Variants in SHISA6 observed in about 807,000 individuals in gnomAD.
The protein encoded by SHISA6 is shisa family member 6.
Under a neutral mutation model 47.9 loss-of-function variants are expected in SHISA6, and 22 were observed. That is an observed-to-expected ratio of 0.46 (90% CI 0.33 to 0.66). The LOEUF is 0.66. Among genes scored for constraint, SHISA6 ranks in the 30% least tolerant of loss-of-function variants. The pLI is 0.02. For missense variants in SHISA6, 680 were observed against 764.6 expected (o/e 0.89, Z 1.30); for synonymous variants, 388 against 337.8 (o/e 1.15, Z -1.63).
chr17:11,553,394 T>G (rs1157490269), intron 4 of SHISA6, among the ~76,000 whole-genome samples: 2 of 152,132 alleles, frequency 1.3e-5, no homozygotes, highest in Non-Finnish European at 2.9e-5. Flanking sequence ...CCCAGCTCAT[T>G]TTCCTGAGAA....
chr17:11,443,776 T>A (rs1237483185), intron 3 of SHISA6, among the ~76,000 whole-genome samples: 1 of 152,176 alleles, frequency 6.6e-6, no homozygotes, highest in Non-Finnish European at 1.5e-5. Context: ...GAAGTAGAAG[T>A]AGTGCTATTA....
intron 2 of SHISA6, among the ~76,000 whole-genome samples, chr17:11,299,498 A>G (rs1909851618): frequency 6.6e-6 from 1 of 152,174 alleles, no homozygotes; most frequent in Non-Finnish European, 1.5e-5. Context: ...AACAACACAC[A>G]TTTATTCTTT....
At chr17:11,528,498 T>C (rs2071705201) in intron 3 of SHISA6, among the ~76,000 whole-genome samples, 1 of 152,166 alleles carries the variant, frequency 6.6e-6, no homozygotes, top group Admixed American at 6.5e-5. Context: ...GATAGTTAGA[T>C]ATTGAAAGGT....
chr17:11,536,013 GATAT>G (rs1264469243), intron 3 of SHISA6, among the ~76,000 whole-genome samples: 1 of 151,822 alleles, frequency 6.6e-6, no homozygotes, highest in African/African-American at 2.4e-5. Context: ...TAGATAGATA[GATAT>G]ATATAGAGAG....
chr17:11,447,183 A>G (rs1256802370), intron 3 of SHISA6, among the ~76,000 whole-genome samples: 2 of 152,224 alleles, frequency 1.3e-5, no homozygotes, highest in Non-Finnish European at 2.9e-5. Flanking sequence ...AACACAAGAA[A>G]TGGTGTCAGG....
intron 1 of SHISA6, among the ~76,000 whole-genome samples, chr17:11,242,802 C>G (rs138697959): frequency 5.9e-5 from 9 of 152,194 alleles, no homozygotes; most frequent in African/African-American, 1.7e-4. Context: ...CCAAAACTTA[C>G]GCCAAGAGCT....
At chr17:11,329,794 A>G (rs1054015451) in intron 2 of SHISA6, among the ~76,000 whole-genome samples, 4 of 152,060 alleles carry the variant, frequency 2.6e-5, no homozygotes, top group Non-Finnish European at 4.4e-5. Flanking sequence ...GGTAAAGAAA[A>G]TCGACTTAAT....
intron 2 of SHISA6, among the ~76,000 whole-genome samples, chr17:11,274,057 C>A (rs1908784452): frequency 6.6e-6 from 1 of 152,154 alleles, no homozygotes; most frequent in South Asian, 2.1e-4. Flanking sequence ...GAGGAGCTGC[C>A]CTTGTGATGA....
intron 3 of SHISA6, among the ~76,000 whole-genome samples, chr17:11,511,896 C>T (rs1384992760): frequency 6.6e-6 from 1 of 152,224 alleles, no homozygotes; most frequent in African/African-American, 2.4e-5. Flanking sequence ...GATGTGTACA[C>T]AAGCCAGAAG....
intron 3 of SHISA6, among the ~76,000 whole-genome samples, chr17:11,489,290 T>C (rs930875578): frequency 2.6e-5 from 4 of 152,074 alleles, no homozygotes; most frequent in Admixed American, 1.3e-4. Context: ...CCTTTTGCCA[T>C]CCTGACTGCT....
At chr17:11,394,983 A>ATT in intron 3 of SHISA6, among the ~76,000 whole-genome samples, 1 of 100,876 alleles carries the variant, frequency 9.9e-6, no homozygotes, top group East Asian at 2.8e-4. Flanking sequence ...GTGGCCCTTT[A>ATT]TTTTTTTTTC....
At chr17:11,338,157 C>G (rs1279697396) in intron 2 of SHISA6, among the ~76,000 whole-genome samples, 1 of 152,154 alleles carries the variant, frequency 6.6e-6, no homozygotes, top group Non-Finnish European at 1.5e-5. Context: ...GGGTAAAGCA[C>G]ACAGCAACCT....
chr17:11,395,134 A>AT (rs983544460), intron 3 of SHISA6, among the ~76,000 whole-genome samples: 3 of 150,150 alleles, frequency 2.0e-5, no homozygotes, highest in African/African-American at 4.9e-5. Context: ...GTACATATGT[A>AT]TTTTTTTAAA....
chr17:11,399,243 G>A (rs1054041572), intron 3 of SHISA6, among the ~76,000 whole-genome samples: 1 of 152,164 alleles, frequency 6.6e-6, no homozygotes, highest in East Asian at 1.9e-4. Context: ...TGCCTTGTCC[G>A]GCTACAGTGC....
Position 11,558,035 on chromosome 17 carries a change from C to T in SHISA6, c.1387C>T (p.Arg463Trp), listed in dbSNP as rs750236653. The change falls in exon 6 of 6, where the codon CGG (arginine) becomes TGG (tryptophan). Residue 463 changes from arginine to tryptophan, a missense_variant. Physicochemically the swap from Arg to Trp is moderately radical, Grantham distance 101. Around this residue, in one of 2 missense-constraint regions of SHISA6, gnomAD observed 559 missense variants for 674.1 expected, o/e 0.83. Transcript: ENST00000441885. ...HSQDPLLSPE[R>W]TAFPEQSLSR... ...CCAGGACCCGCTGCTGTCCCCGGAGCGGACGGCCTTTCCCGAGCAGTCGCT... is the reference window on the plus strand; with the variant it reads ...CCAGGACCCGCTGCTGTCCCCGGAGTGGACGGCCTTTCCCGAGCAGTCGCT... The T allele has an allele frequency of 1.1e-5, 17 of 1,551,640 alleles. No homozygotes were observed. The highest frequency in any genetic ancestry group is 5.9e-5 in the South Asian group (5 of 84,062).
At chr17:11,362,150 T>C (rs28750320) in intron 2 of SHISA6, among the ~76,000 whole-genome samples, 71,651 of 151,934 alleles carry the variant, frequency 0.47, 17,106 homozygotes, top group Middle Eastern at 0.54. Context: ...GTTTTTCTTT[T>C]AGAGACAGAA....
At chr17:11,451,855 G>A (rs1344086537) in intron 3 of SHISA6, among the ~76,000 whole-genome samples, 1 of 152,226 alleles carries the variant, frequency 6.6e-6, no homozygotes, top group Admixed American at 6.5e-5. Flanking sequence ...CTTTAGGAAC[G>A]TTGACCATCG....
intron 3 of SHISA6, among the ~76,000 whole-genome samples, chr17:11,500,436 C>A (rs2142346261): frequency 6.6e-6 from 1 of 152,298 alleles, no homozygotes; most frequent in Admixed American, 6.5e-5. Context: ...TAAAGCTGCC[C>A]TGGATGGAAG....
chr17:11,479,784 T>C (rs957607109), intron 3 of SHISA6, among the ~76,000 whole-genome samples: 2 of 151,882 alleles, frequency 1.3e-5, no homozygotes, highest in Non-Finnish European at 2.9e-5. Context: ...TTTAATACAT[T>C]GTTGCTATTA....
Sources: allele counts gnomAD v4.1 joint callset (sites outside exome capture counted in the v4.1 genomes callset), GRCh38; gene constraint gnomAD v4.1.1; regional missense constraint gnomAD v4.1.1; transcripts MANE v1.5; gene names NCBI Gene and HGNC (gene_info 2026-07-23, HGNC 2026-07-21).